Variants in GRHL2 observed in about 807,000 individuals in gnomAD.
The protein encoded by GRHL2 is grainyhead-like protein 2 homolog.
In GRHL2, 21 loss-of-function variants were observed where a neutral mutation model predicts 83.8. That is an observed-to-expected ratio of 0.25 (90% CI 0.18 to 0.36). The LOEUF (loss-of-function observed/expected upper bound fraction) is 0.36, where lower values mean the gene tolerates loss of function less well. Ranked by LOEUF, GRHL2 falls within the 10% of genes least tolerant of loss-of-function variation. The pLI, the probability that GRHL2 is intolerant of heterozygous loss-of-function variation, is 1.00. For synonymous variants in GRHL2, 280 were observed against 278.9 expected (o/e 1.00, Z -0.04); for missense variants, 623 against 781.8 (o/e 0.80, Z 2.42).
At chr8:101,505,049 G>A (rs1810310106) in intron 1 of GRHL2, among the ~76,000 whole-genome samples, 3 of 151,706 alleles carry the variant, frequency 2.0e-5, no homozygotes, top group African/African-American at 7.3e-5. Flanking sequence ...TGTAAAATGT[G>A]AGCAAAACCA....
At chr8:101,505,331 A>C (rs2129984520) in intron 1 of GRHL2, among the ~76,000 whole-genome samples, 2 of 152,252 alleles carry the variant, frequency 1.3e-5, no homozygotes, top group East Asian at 3.9e-4. Flanking sequence ...TAATCCCAGC[A>C]CTTAGGGAGG....
At chr8:101,676,164 T>C in the GRHL2 span, among the ~76,000 whole-genome samples, 1 of 151,590 alleles carries the variant, frequency 6.6e-6, no homozygotes, top group Non-Finnish European at 1.5e-5. Flanking sequence ...GGACTTCATG[T>C]CTAAAACACC....
At chr8:101,501,258 A>C (rs1390072539) in intron 1 of GRHL2, among the ~76,000 whole-genome samples, 1 of 152,218 alleles carries the variant, frequency 6.6e-6, no homozygotes, top group Non-Finnish European at 1.5e-5. Context: ...TGTGGGGAGC[A>C]CTTCACTTTC....
intron 1 of GRHL2, among the ~76,000 whole-genome samples, chr8:101,494,146 C>G (rs1810043385): frequency 6.6e-6 from 1 of 152,054 alleles, no homozygotes; most frequent in Non-Finnish European, 1.5e-5. Context: ...CCGGAGAGGG[C>G]CGGTGCCCCA....
chr8:101,633,705 A>G (rs1813231306), intron 11 of GRHL2, among the ~76,000 whole-genome samples: 1 of 152,192 alleles, frequency 6.6e-6, no homozygotes, highest in African/African-American at 2.4e-5. Flanking sequence ...TTTATAATTT[A>G]TCAAGATAAG....
intron 1 of GRHL2, among the ~76,000 whole-genome samples, chr8:101,535,731 G>A (rs1206059545): frequency 6.6e-6 from 1 of 151,976 alleles, no homozygotes; most frequent in Non-Finnish European, 1.5e-5. Flanking sequence ...GTAGAGACAG[G>A]GTTTCACCAA....
At chr8:101,515,220 T>C (rs190335187) in intron 1 of GRHL2, among the ~76,000 whole-genome samples, 33 of 124,140 alleles carry the variant, frequency 2.7e-4, no homozygotes, top group African/African-American at 9.3e-4. Flanking sequence ...ATTAATATTA[T>C]ATATGAGGTT....
chr8:101,566,623 A>G (rs752468905), intron 4 of GRHL2, among the ~76,000 whole-genome samples: 4 of 148,302 alleles, frequency 2.7e-5, no homozygotes, highest in Non-Finnish European at 4.5e-5. Flanking sequence ...TAATATAATT[A>G]TATTTATTAT....
At chr8:101,652,053 C>T (rs181671447) in intron 14 of GRHL2, among the ~76,000 whole-genome samples, 38 of 152,074 alleles carry the variant, frequency 2.5e-4, no homozygotes, top group Non-Finnish European at 3.8e-4. Flanking sequence ...TGAAATGAAG[C>T]GGTAGAATTG....
At chr8:101,662,861 A>G (rs1480014543) in intron 14 of GRHL2, among the ~76,000 whole-genome samples, 1 of 67,946 alleles carries the variant, frequency 1.5e-5, no homozygotes, top group Non-Finnish European at 2.8e-5. Context: ...ATGTACTTAC[A>G]TATATATACA....
At chr8:101,547,718 T>A (rs1474067374) in intron 2 of GRHL2, among the ~76,000 whole-genome samples, 3 of 152,250 alleles carry the variant, frequency 2.0e-5, no homozygotes, top group African/African-American at 2.4e-5. Flanking sequence ...AAATGCCCTT[T>A]TTTGAATCCA....
downstream of GRHL2, among the ~76,000 whole-genome samples, chr8:101,672,213 T>A (rs1397305812): frequency 9.9e-5 from 15 of 151,698 alleles, no homozygotes; most frequent in Non-Finnish European, 1.5e-5. Context: ...GGAATGACTT[T>A]GACGAGCTGA....
intron 1 of GRHL2, among the ~76,000 whole-genome samples, chr8:101,502,940 T>C (rs1318678003): frequency 2.0e-5 from 3 of 152,206 alleles, no homozygotes; most frequent in Non-Finnish European, 2.9e-5. Context: ...GTGAATAGTT[T>C]AGTAAATGTT....
the GRHL2 span, among the ~76,000 whole-genome samples, chr8:101,674,995 A>G: frequency 2.6e-5 from 4 of 152,152 alleles, no homozygotes. Context: ...AAGGCCTTTG[A>G]CAAAATTCAA....
chr8:101,677,377 T>C, the GRHL2 span, among the ~76,000 whole-genome samples: 56 of 152,122 alleles, frequency 3.7e-4, 1 homozygote, highest in East Asian at 9.9e-3. Context: ...GCATTGGCTG[T>C]GAGCTTGGGT....
rs189580395 is a variant in GRHL2, at chr8:101,638,104, T to C, written c.1517+1176T>C. Among the ~76,000 whole-genome samples the C allele has an allele frequency of 1.3e-3, 199 of 152,338 alleles. 1 individual carries two copies. The highest frequency in any genetic ancestry group is 1.3e-3 in the Non-Finnish European group (91 of 68,018). On this transcript the variant is annotated intron_variant, in intron 12 of 15. Transcript: ENST00000646743. The stretch of plus-strand genomic sequence containing the variant: ...ACTACATGCATTTTCAATAGCTACT[T>C]TATGTTCTTGGTTGCGTTACCTGTG...
chr8:101,670,344 C>CTT (rs1343398632), downstream of GRHL2, among the ~76,000 whole-genome samples: 1 of 152,212 alleles, frequency 6.6e-6, no homozygotes, highest in Non-Finnish European at 1.5e-5. Context: ...TTTCTACATT[C>CTT]TTCTACATCT....
chr8:101,640,750 A>G (rs1389956219), intron 12 of GRHL2, among the ~76,000 whole-genome samples: 1 of 152,178 alleles, frequency 6.6e-6, no homozygotes, highest in African/African-American at 2.4e-5. Context: ...TTGGGGCAGT[A>G]GTATCCTTGG....
At chr8:101,592,091 C>CT (rs1554589887) in intron 7 of GRHL2, among the ~76,000 whole-genome samples, 9 of 109,914 alleles carry the variant, frequency 8.2e-5, no homozygotes, top group African/African-American at 2.9e-4. Flanking sequence ...CACTTTCTTT[C>CT]TTTCTTTTCT....
Sources: allele counts gnomAD v4.1 joint callset (sites outside exome capture counted in the v4.1 genomes callset), GRCh38; gene constraint gnomAD v4.1.1; transcripts MANE v1.5; gene names NCBI Gene and HGNC (gene_info 2026-07-23, HGNC 2026-07-21).